The following KCNN2 variants were observed in gnomAD, a reference collection of about 807,000 sequenced individuals.
KCNN2 encodes potassium calcium-activated channel subfamily N member 2.
Under a neutral mutation model 55.5 loss-of-function variants are expected in KCNN2, and 24 were observed. The ratio of observed to expected loss-of-function variants is 0.43; its 90% confidence interval spans 0.31 to 0.61. The LOEUF (loss-of-function observed/expected upper bound fraction) is 0.61. Among genes scored for constraint, KCNN2 ranks in the 20% least tolerant of loss-of-function variants. The pLI is 0.08. For synonymous variants in KCNN2, 431 were observed against 336.1 expected (o/e 1.28, Z -3.09); for missense variants, 754 against 853.6 (o/e 0.88, Z 1.45).
chr5:114,425,522 C>T (rs1341061148), intron 3 of KCNN2, among the ~76,000 whole-genome samples: 2 of 152,196 alleles, frequency 1.3e-5, no homozygotes, highest in Non-Finnish European at 1.5e-5. Flanking sequence ...CTTGCACCCT[C>T]TCCCTTCATC....
intron 1 of KCNN2, among the ~76,000 whole-genome samples, chr5:114,086,763 G>A (rs958239631): frequency 1.3e-5 from 2 of 152,050 alleles, no homozygotes; most frequent in Admixed American, 6.6e-5. Context: ...GTGTCTTTTT[G>A]ATAGAATGAT....
chr5:114,408,989 G>A (rs947001608), intron 3 of KCNN2, among the ~76,000 whole-genome samples: 3 of 152,158 alleles, frequency 2.0e-5, no homozygotes, highest in African/African-American at 7.2e-5. Flanking sequence ...GTAGCCAGCA[G>A]GTACATAAAG....
chr5:114,157,553 G>T lies in KCNN2; in HGVS notation c.-270-63927G>T, dbSNP rs370580677. On this transcript the variant is annotated intron_variant, in intron 1 of 10. Coordinates refer to the KCNN2 transcript ENST00000512097. Reference sequence around the variant, plus strand: ...GGATGGCTGGGTCAAATGGTATTTCGAGTTCTAGATCCCTGAGGAATTGCC... The same window carrying T: ...GGATGGCTGGGTCAAATGGTATTTCTAGTTCTAGATCCCTGAGGAATTGCC... 5.9e-5 allele frequency among the ~76,000 whole-genome samples: 9 copies of T among 151,924 alleles called. 1 individual carries two copies. Among genetic ancestry groups the T allele is most frequent in the Admixed American group, 2.0e-4 (3 of 15,222 alleles).
At chr5:114,128,092 T>G (rs1751975409) in intron 1 of KCNN2, among the ~76,000 whole-genome samples, 1 of 152,174 alleles carries the variant, frequency 6.6e-6, no homozygotes. Flanking sequence ...AGCCTCTGCT[T>G]GTTACCCAGT....
At chr5:114,307,254 T>A (rs1442590926) in intron 2 of KCNN2, among the ~76,000 whole-genome samples, 1 of 152,208 alleles carries the variant, frequency 6.6e-6, no homozygotes, top group African/African-American at 2.4e-5. Flanking sequence ...CTAACTTAGA[T>A]CTGGAGACTG....
chr5:114,286,504 A>G (rs12234043), intron 2 of KCNN2, among the ~76,000 whole-genome samples: 24,736 of 152,198 alleles, frequency 0.16, 3,547 homozygotes, highest in East Asian at 0.81. Context: ...AGGGGCAAGT[A>G]TGAAAATCTG....
At chr5:114,188,263 C>T (rs1753380067) in intron 1 of KCNN2, among the ~76,000 whole-genome samples, 1 of 152,182 alleles carries the variant, frequency 6.6e-6, no homozygotes, top group South Asian at 2.1e-4. Context: ...ATTTGGGCCT[C>T]TTGAGGAGGT....
chr5:114,081,256 C>T (rs1396131529), intron 1 of KCNN2, among the ~76,000 whole-genome samples: 3 of 152,130 alleles, frequency 2.0e-5, no homozygotes, highest in Non-Finnish European at 4.4e-5. Flanking sequence ...CTATTAAAAT[C>T]CCAATGATGT....
chr5:114,186,629 A>G (rs552043947), intron 1 of KCNN2, among the ~76,000 whole-genome samples: 1 of 152,334 alleles, frequency 6.6e-6, no homozygotes, highest in East Asian at 1.9e-4. Context: ...ATTGGTCTTA[A>G]CTGTTACTAT....
chr5:114,451,427 C>T (rs1287573652), intron 3 of KCNN2, among the ~76,000 whole-genome samples: 1 of 152,144 alleles, frequency 6.6e-6, no homozygotes, highest in East Asian at 1.9e-4. Context: ...AACCATGCCC[C>T]GCCAAACATA....
At chr5:114,119,487 C>T (rs935834566) in intron 1 of KCNN2, among the ~76,000 whole-genome samples, 15 of 152,084 alleles carry the variant, frequency 9.9e-5, no homozygotes, top group African/African-American at 3.4e-4. Context: ...CATATCTAGC[C>T]AGTGTTATTT....
chr5:114,354,640 A>T (rs1334616212), intron 2 of KCNN2, among the ~76,000 whole-genome samples: 2 of 152,186 alleles, frequency 1.3e-5, no homozygotes, highest in African/African-American at 4.8e-5. Flanking sequence ...ACTTTCAGTT[A>T]TATGAGCTAG....
intron 3 of KCNN2, among the ~76,000 whole-genome samples, chr5:114,419,473 A>G (rs1020896950): frequency 1.3e-5 from 2 of 152,220 alleles, no homozygotes; most frequent in Admixed American, 6.5e-5. Context: ...GGGTCAGACA[A>G]TGGATTTCTA....
At chr5:114,225,012 G>A (rs1217950152) in intron 2 of KCNN2, among the ~76,000 whole-genome samples, 1 of 152,180 alleles carries the variant, frequency 6.6e-6, no homozygotes, top group African/African-American at 2.4e-5. Context: ...AGAATTGCCT[G>A]AGAAAATCTA....
intron 1 of KCNN2, among the ~76,000 whole-genome samples, chr5:114,083,785 C>T (rs988825532): frequency 2.6e-5 from 4 of 152,088 alleles, no homozygotes; most frequent in African/African-American, 4.8e-5. Context: ...TCCACCCTTA[C>T]GTTATTACAA....
At chr5:114,237,945 A>G (rs1754537748) in intron 2 of KCNN2, among the ~76,000 whole-genome samples, 1 of 152,168 alleles carries the variant, frequency 6.6e-6, no homozygotes, top group Non-Finnish European at 1.5e-5. Flanking sequence ...TGGAGGAAGC[A>G]TACCAGCTTC....
intron 3 of KCNN2, chr5:114,433,701 C>G (rs1759887765): frequency 6.6e-6 from 1 of 152,476 alleles, no homozygotes; most frequent in Middle Eastern, 3.1e-3. Flanking sequence ...TGAACAACTC[C>G]AGATGCACCG....
At position 114,081,319 on chromosome 5, in the gene KCNN2, A is replaced by G. The variant is rs1223809216; in HGVS notation, c.-271+24819A>G. 2.0e-5 allele frequency among the ~76,000 whole-genome samples: 3 copies of G among 152,164 alleles called. No individual in the cohort carries two copies. The East Asian group carries it at 5.8e-4, about 29-fold the overall frequency. On this transcript the variant is annotated intron_variant, in intron 1 of 10. Transcript: ENST00000512097. ...TAAAATTTATATGGAATCTCAAGGC[A>G]TCCCTAATAGCCAGAACAAAATTGA...
intron 2 of KCNN2, among the ~76,000 whole-genome samples, chr5:114,284,709 G>C (rs975871090): frequency 1.3e-5 from 2 of 151,670 alleles, no homozygotes; most frequent in East Asian, 2.0e-4. Flanking sequence ...TAGTAGAGAC[G>C]GGGTTTCACC....
Sources: gnomAD v4.1 joint callset for allele counts (sites outside exome capture counted in the v4.1 genomes callset) on GRCh38, gnomAD v4.1.1 for gene constraint, MANE v1.5 for transcripts, NCBI Gene and HGNC (gene_info 2026-07-23, HGNC 2026-07-21) for gene names.